Variants in SELENOF observed in about 807,000 individuals in gnomAD.
The protein encoded by SELENOF is 15 kDa selenoprotein.
In SELENOF, 16 loss-of-function variants were observed where a neutral mutation model predicts 20.5. The observed-to-expected ratio is 0.78, with a 90% CI of 0.53 to 1.19. SELENOF has a LOEUF of 1.19. Ranked by LOEUF, SELENOF falls within the 50% of genes most tolerant of loss-of-function variation. The pLI is 0.00. For synonymous variants in SELENOF, 78 were observed against 74.5 expected, an observed-to-expected ratio of 1.05 and a Z score of -0.24; for missense variants, 215 against 194.2, an observed-to-expected ratio of 1.11 and a Z score of -0.64.
At chr1:86,863,712 A>G in intron 4 of SELENOF, 107 bp from the exon 5 acceptor site, 2 of 966,234 alleles carry the variant, frequency 2.1e-6, no homozygotes, top group Non-Finnish European at 2.9e-6. Flanking sequence ...AATTAAAAAA[A>G]GGCTTTTAGA....
chr1:86,913,428 A>T (rs892583039), intron 1 of SELENOF, among the ~76,000 whole-genome samples: 1 of 152,238 alleles, frequency 6.6e-6, no homozygotes, highest in Non-Finnish European at 1.5e-5. Flanking sequence ...AACATCATTT[A>T]AAAAACTAAC....
intron 2 of SELENOF, among the ~76,000 whole-genome samples, chr1:86,894,132 T>A (rs922123475): frequency 6.6e-6 from 1 of 151,870 alleles, no homozygotes; most frequent in Non-Finnish European, 1.5e-5. Context: ...GGGACCAAGA[T>A]GTTCTAAAAC....
At chr1:86,864,434 GAC>G (rs981412670) in intron 4 of SELENOF, among the ~76,000 whole-genome samples, 1 of 152,170 alleles carries the variant, frequency 6.6e-6, no homozygotes, top group Non-Finnish European at 1.5e-5. Flanking sequence ...CGGCAGTGAT[GAC>G]AGAGTTCTTA....
rs1180619668 is a variant in SELENOF at position 86,868,046 on chromosome 1, A to C, written c.366+7T>G. ...GAAAAAAGAGATCTCCACTACAATC[A>C]CCTTACCTTGATTTGCAGTCCTCTG... On this transcript the variant is annotated splice_region_variant and intron_variant, in intron 4 of 4. Coordinates refer to ENST00000331835, the MANE Select transcript of SELENOF (RefSeq NM_004261.5). The C allele has an allele frequency of 7.1e-6, 10 of 1,399,508 alleles. No individual in the cohort carries two copies. The highest frequency in any genetic ancestry group is 9.7e-6 in the Non-Finnish European group (10 of 1,031,826). The allele number at this position is 1,399,508 out of a possible 1,614,324, so 86.7% of individuals were successfully genotyped here.
chr1:86,889,907 A>C (rs1659333421), intron 2 of SELENOF, among the ~76,000 whole-genome samples: 1 of 152,204 alleles, frequency 6.6e-6, no homozygotes. Flanking sequence ...AAGCCCTTGT[A>C]TCTTGCCTCT....
intron 1 of SELENOF, among the ~76,000 whole-genome samples, chr1:86,910,702 C>CA (rs36124875): frequency 0.013 from 1,095 of 82,540 alleles, 18 homozygotes; most frequent in African/African-American, 0.029. Flanking sequence ...GACTCCATAT[C>CA]AAAAAAAAAA....
At chr1:86,882,247 CAAAAAAAA>C (rs61037512) in intron 2 of SELENOF, among the ~76,000 whole-genome samples, 5 of 61,860 alleles carry the variant, frequency 8.1e-5, no homozygotes, top group Admixed American at 2.5e-4. Flanking sequence ...GACTCTGTCT[CAAAAAAAA>C]AAAAAAAAAA....
chr1:86,872,349 C>G (rs1018813088), intron 3 of SELENOF, among the ~76,000 whole-genome samples: 1 of 151,964 alleles, frequency 6.6e-6, no homozygotes, highest in African/African-American at 2.4e-5. Context: ...TAACTTTTTA[C>G]TCTGGCTCTT....
chr1:86,874,996 G>A (rs1309730140), intron 3 of SELENOF, among the ~76,000 whole-genome samples: 2 of 152,194 alleles, frequency 1.3e-5, no homozygotes. Context: ...CACTCTGGGA[G>A]GCCAAGATGG....
At chr1:86,911,926 C>T (rs1314855259) in intron 1 of SELENOF, among the ~76,000 whole-genome samples, 1 of 151,906 alleles carries the variant, frequency 6.6e-6, no homozygotes, top group Non-Finnish European at 1.5e-5. Flanking sequence ...CATGCGCCAC[C>T]ACGCCCAGCT....
intron 4 of SELENOF, among the ~76,000 whole-genome samples, chr1:86,867,338 A>T (rs1456725379): frequency 6.6e-6 from 1 of 152,020 alleles, no homozygotes; most frequent in African/African-American, 2.4e-5. Context: ...TAAAAATACA[A>T]AAAAACTAGC....
intron 2 of SELENOF, among the ~76,000 whole-genome samples, chr1:86,899,225 T>C (rs1303442125): frequency 6.6e-6 from 1 of 151,504 alleles, no homozygotes; most frequent in African/African-American, 2.4e-5. Context: ...TTCTCAATCT[T>C]TTCCCCACCT....
intron 2 of SELENOF, among the ~76,000 whole-genome samples, chr1:86,885,187 T>G (rs1273190320): frequency 6.6e-6 from 1 of 152,170 alleles, no homozygotes; most frequent in Non-Finnish European, 1.5e-5. Flanking sequence ...ATCTCAAATC[T>G]GAAAAAAATC....
intron 2 of SELENOF, among the ~76,000 whole-genome samples, chr1:86,895,456 T>C (rs1341836483): frequency 2.0e-5 from 3 of 152,220 alleles, no homozygotes; most frequent in African/African-American, 7.2e-5. Context: ...TTTTAAGCAG[T>C]GCATGCATAT....
chr1:86,904,364 T>C lies in SELENOF; in HGVS notation c.85-916A>G, dbSNP rs546799867. 2.9e-4 allele frequency among the ~76,000 whole-genome samples: 44 copies of C among 152,356 alleles called. 1 individual carries two copies. The South Asian group carries it at 9.1e-3, about 32-fold the overall frequency. ...ACTTCCTACATAAAACAGATTGCTA[T>C]GGTTACCTTACATAAATCGTTACAT... On this transcript the variant is annotated intron_variant, in intron 1 of 4. Transcript: ENST00000331835.
chr1:86,899,975 A>G (rs995923172), intron 2 of SELENOF, among the ~76,000 whole-genome samples: 2 of 147,776 alleles, frequency 1.4e-5, no homozygotes, highest in African/African-American at 5.1e-5. Context: ...GGTGCTCCCC[A>G]CATCTCAGAC....
chr1:86,900,661 GGGAGACGGAGACAGAGAC>G (rs1204030707), intron 2 of SELENOF, among the ~76,000 whole-genome samples: 4 of 151,612 alleles, frequency 2.6e-5, no homozygotes, highest in Non-Finnish European at 5.9e-5. Context: ...GAGAGGGAGA[GGGAGACGGAGACAGAGAC>G]GGAGACGGAG....
At chr1:86,910,364 TG>T (rs1410350251) in intron 1 of SELENOF, among the ~76,000 whole-genome samples, 1 of 152,128 alleles carries the variant, frequency 6.6e-6, no homozygotes, top group African/African-American at 2.4e-5. Context: ...TTCCATCCTG[TG>T]GGGGTCACAT....
chr1:86,884,342 TACATACACACAC>T (rs1460848484), intron 2 of SELENOF, among the ~76,000 whole-genome samples: 6 of 128,590 alleles, frequency 4.7e-5, no homozygotes, highest in African/African-American at 2.1e-4. Flanking sequence ...CGGGCGCACA[TACATACACACAC>T]ACACACACAC....
Sources: allele counts gnomAD v4.1 joint callset (sites outside exome capture counted in the v4.1 genomes callset), GRCh38; gene constraint gnomAD v4.1.1; transcripts MANE v1.5; gene names NCBI Gene and HGNC (gene_info 2026-07-23, HGNC 2026-07-21).